Variants in CCDC3 observed in about 807,000 individuals in gnomAD.
The protein encoded by CCDC3 is coiled-coil domain containing 3, also known as coiled-coil domain-containing protein 3.
CCDC3 carries 24 observed loss-of-function variants against 21.4 expected under a neutral mutation model. The observed-to-expected ratio is 1.12, with a 90% CI of 0.81 to 1.58. The LOEUF is 1.58. Among genes scored for constraint, CCDC3 ranks in the 40% most tolerant of loss-of-function variants. The pLI, the probability that CCDC3 is intolerant of heterozygous loss-of-function variation, is 0.00. For missense variants in CCDC3, 425 were observed against 360.9 expected, an observed-to-expected ratio of 1.18 and a Z score of -1.44; for synonymous variants, 186 against 166.0, an observed-to-expected ratio of 1.12 and a Z score of -0.93.
At chr10:12,999,999 A>C (rs1369904242) in intron 1 of CCDC3, among the ~76,000 whole-genome samples, 1 of 152,214 alleles carries the variant, frequency 6.6e-6, no homozygotes, top group Non-Finnish European at 1.5e-5. Context: ...CGTGTTTTTT[A>C]AACTTAGATA....
At chr10:13,098,419 T>C (rs1564348141) in intron 3 of CCDC3, 3 of 152,450 alleles carry the variant, frequency 2.0e-5, no homozygotes, top group Admixed American at 1.3e-4. Context: ...GCTCAAGCGA[T>C]CCTCCTGCCT....
intron 5 of CCDC3, among the ~76,000 whole-genome samples, chr10:13,007,563 C>T (rs1398430815): frequency 6.6e-6 from 1 of 152,078 alleles, no homozygotes; most frequent in Non-Finnish European, 1.5e-5. Flanking sequence ...GTGTACCTGT[C>T]TCCCGGAACA....
chr10:12,934,978 CACTGTACCATTACGTAACAA>C (rs1162983202), intron 2 of CCDC3, among the ~76,000 whole-genome samples: 2 of 151,830 alleles, frequency 1.3e-5, no homozygotes, highest in African/African-American at 4.8e-5. Context: ...AATCATGACT[CACTGTACCATTACGTAACAA>C]ACTCCTAGGC....
chr10:13,046,720 A>AG (rs1428719220), intron 5 of CCDC3, among the ~76,000 whole-genome samples: 80 of 145,092 alleles, frequency 5.5e-4, no homozygotes, highest in African/African-American at 2.1e-3. Flanking sequence ...AAAAAAAAAA[A>AG]AAGAAGAAGA....
chr10:12,955,405 A>G (rs1169150768), intron 2 of CCDC3, among the ~76,000 whole-genome samples: 1 of 152,218 alleles, frequency 6.6e-6, no homozygotes, highest in Non-Finnish European at 1.5e-5. Flanking sequence ...GTGTGAAAAT[A>G]CAGCCTTTCT....
chr10:12,898,662 C>T lies in CCDC3; in HGVS notation c.567G>A (p.Val189=), dbSNP rs772828479. 6.2e-6 allele frequency: 10 copies of T among 1,614,080 alleles called. No homozygotes were observed. Among genetic ancestry groups the T allele is most frequent in the African/African-American group, 1.3e-5 (1 of 74,942 alleles). ...QEDSRLMCSS[V]QKALFEEEDH... is the part of the protein sequence containing the mutation. ...CCTCCTCCTCAAACAAGGCCTTCTG[C>T]ACCGAGGAGCACATGAGCTGGAGGC... The change falls in exon 3 of 3, where the codon GTG becomes GTA. Residue 189 remains valine, a synonymous_variant. Transcript: ENST00000378825.
chr10:13,051,884 G>T (rs577038062), intron 4 of CCDC3, among the ~76,000 whole-genome samples: 33 of 152,126 alleles, frequency 2.2e-4, no homozygotes, highest in Admixed American at 6.5e-5. Context: ...GAGCACTTCC[G>T]CTTGGACAGG....
intron 3 of CCDC3, among the ~76,000 whole-genome samples, chr10:13,094,615 G>C (rs1292263428): frequency 1.3e-5 from 2 of 152,020 alleles, no homozygotes; most frequent in African/African-American, 4.8e-5. Flanking sequence ...TGTAATTCCA[G>C]CACTTTGGGA....
At chr10:12,943,248 G>A (rs1311504377) in intron 2 of CCDC3, among the ~76,000 whole-genome samples, 1 of 152,064 alleles carries the variant, frequency 6.6e-6, no homozygotes, top group African/African-American at 2.4e-5. Flanking sequence ...GCATTAGATA[G>A]TAAACCAAAA....
At chr10:12,930,111 C>A (rs1294902447) in intron 2 of CCDC3, among the ~76,000 whole-genome samples, 2 of 152,178 alleles carry the variant, frequency 1.3e-5, no homozygotes, top group African/African-American at 4.8e-5. Flanking sequence ...AGAGTTGAAG[C>A]AGAAGGTCCC....
intron 2 of CCDC3, among the ~76,000 whole-genome samples, chr10:12,933,889 C>T (rs1212133880): frequency 1.3e-5 from 2 of 152,024 alleles, no homozygotes. Flanking sequence ...TTTTATTTAT[C>T]TTTTCAAAGA....
intron 2 of CCDC3, among the ~76,000 whole-genome samples, chr10:12,934,969 A>G (rs146391421): frequency 5.9e-5 from 9 of 151,696 alleles, no homozygotes; most frequent in Non-Finnish European, 1.2e-4. Context: ...CATTGGTGCA[A>G]TCATGACTCA....
chr10:12,924,474 C>T (rs1009130818), intron 2 of CCDC3, among the ~76,000 whole-genome samples: 1 of 152,220 alleles, frequency 6.6e-6, no homozygotes, highest in African/African-American at 2.4e-5. Context: ...GCCAATATGT[C>T]ACGTTTCACT....
chr10:12,919,744 G>C (rs1222685614), intron 2 of CCDC3, among the ~76,000 whole-genome samples: 1 of 147,434 alleles, frequency 6.8e-6, no homozygotes, highest in Non-Finnish European at 1.5e-5. Flanking sequence ...CCCACAGAGT[G>C]CCCGGGGTGG....
rs1834184911 is a variant in CCDC3, at chr10:12,907,100, TCTAA to T, written c.550-8425_550-8422del. Reference sequence around the variant, plus strand: ...CATTGTCAAGTTTATCGCATGGGGCTCTAACTGTTGGCTAGCCTGACTCTCTCCC... The same window carrying T: ...CATTGTCAAGTTTATCGCATGGGGCTCTGTTGGCTAGCCTGACTCTCTCCC... On this transcript the variant is annotated intron_variant, in intron 2 of 2. Coordinates refer to ENST00000378825, the MANE Select transcript of CCDC3 (RefSeq NM_031455.4). Among the ~76,000 whole-genome samples, 5 of 152,200 alleles carry T rather than the reference TCTAA, an allele frequency of 3.3e-5. No individual in the cohort carries two copies. The South Asian group carries it at 1.0e-3, about 32-fold the overall frequency.
chr10:13,009,156 T>G (rs1396561262), intron 5 of CCDC3, among the ~76,000 whole-genome samples: 1 of 152,182 alleles, frequency 6.6e-6, no homozygotes, highest in Non-Finnish European at 1.5e-5. Flanking sequence ...TTTTTAAAAA[T>G]AATACCATTC....
chr10:12,983,798 G>A (rs1473751611), intron 2 of CCDC3, among the ~76,000 whole-genome samples: 2 of 152,062 alleles, frequency 1.3e-5, no homozygotes, highest in African/African-American at 4.8e-5. Context: ...GCCACACTGA[G>A]GCTGGGCGCA....
chr10:12,945,261 C>T (rs552209895), intron 2 of CCDC3, among the ~76,000 whole-genome samples: 15 of 152,106 alleles, frequency 9.9e-5, no homozygotes, highest in East Asian at 3.9e-4. Context: ...AGAAATAATA[C>T]GGGAAACAAC....
chr10:12,947,716 T>C (rs1834937053), intron 2 of CCDC3, among the ~76,000 whole-genome samples: 1 of 151,964 alleles, frequency 6.6e-6, no homozygotes, highest in Admixed American at 6.6e-5. Flanking sequence ...TTGCTAAGAG[T>C]TGGGCTTAGC....
Sources: gnomAD v4.1 joint callset for allele counts (sites outside exome capture counted in the v4.1 genomes callset) on GRCh38, gnomAD v4.1.1 for gene constraint, MANE v1.5 for transcripts, NCBI Gene and HGNC (gene_info 2026-07-23, HGNC 2026-07-21) for gene names.